CTNNA2: variants seen among roughly 807,000 people sequenced by gnomAD.
CTNNA2 encodes the protein catenin alpha 2.
Under a neutral mutation model 101.0 loss-of-function variants are expected in CTNNA2, and 42 were observed. That is an observed-to-expected ratio of 0.42 (90% confidence interval 0.32 to 0.54). The LOEUF is 0.54. Among genes scored for constraint, CTNNA2 ranks in the 20% least tolerant of loss-of-function variants. The probability of loss-of-function intolerance (pLI) is 0.14; values close to 1 mark genes in which losing one functional copy is unlikely to be tolerated. For missense variants in CTNNA2, 871 were observed against 1,223.1 expected, an observed-to-expected ratio of 0.71 and a Z score of 4.29; for synonymous variants, 450 against 456.4, an observed-to-expected ratio of 0.99 and a Z score of 0.18.
chr2:79,992,421 T>G (rs1692248683), intron 7 of CTNNA2, among the ~76,000 whole-genome samples: 1 of 152,198 alleles, frequency 6.6e-6, no homozygotes, highest in South Asian at 2.1e-4. Context: ...AATGATATAT[T>G]TTGGTTAATA....
intron 3 of CTNNA2, among the ~76,000 whole-genome samples, chr2:79,762,632 C>T (rs1046317961): frequency 4.6e-5 from 7 of 151,972 alleles, no homozygotes; most frequent in Non-Finnish European, 7.4e-5. Context: ...TCAGGCAAGA[C>T]CTGGTCAAAA....
intron 1 of CTNNA2, among the ~76,000 whole-genome samples, chr2:79,551,477 A>T (rs187012720): frequency 1.3e-5 from 2 of 152,314 alleles, no homozygotes; most frequent in African/African-American, 4.8e-5. Flanking sequence ...TCAAATATAC[A>T]TTTGTCTCAG....
At chr2:80,126,948 CTG>C (rs960462777) in intron 7 of CTNNA2, among the ~76,000 whole-genome samples, 32 of 152,150 alleles carry the variant, frequency 2.1e-4, no homozygotes, top group African/African-American at 7.7e-4. Flanking sequence ...GAACTCTGTT[CTG>C]TGTTTCCTTC....
intron 1 of CTNNA2, among the ~76,000 whole-genome samples, chr2:79,638,007 T>C (rs1056929016): frequency 2.6e-5 from 4 of 152,352 alleles, no homozygotes; most frequent in South Asian, 2.1e-4. Flanking sequence ...CCTTCCTCCA[T>C]GACTGTCTGA....
chr2:80,055,100 C>T (rs1053028366), intron 7 of CTNNA2, among the ~76,000 whole-genome samples: 2 of 152,088 alleles, frequency 1.3e-5, no homozygotes, highest in Admixed American at 6.6e-5. Context: ...GATCCTAGTT[C>T]GAACTGCAAC....
intron 7 of CTNNA2, among the ~76,000 whole-genome samples, chr2:80,210,774 C>A (rs189436536): frequency 1.3e-5 from 2 of 152,160 alleles, no homozygotes; most frequent in Non-Finnish European, 2.9e-5. Context: ...AGTTCTAGAT[C>A]GTTGAGGAAT....
At chr2:80,490,290 C>CG (rs1553535583) in intron 9 of CTNNA2, among the ~76,000 whole-genome samples, 2 of 104,056 alleles carry the variant, frequency 1.9e-5, no homozygotes, top group African/African-American at 7.8e-5. Context: ...ACCCCCCCCC[C>CG]GGTAAAGCAC....
chr2:79,655,136 T>C (rs901423278), intron 2 of CTNNA2, among the ~76,000 whole-genome samples: 1 of 152,174 alleles, frequency 6.6e-6, no homozygotes, highest in African/African-American at 2.4e-5. Flanking sequence ...AGGAGATATG[T>C]TGGAGTCAGA....
At chr2:79,583,536 G>A (rs1676278585) in intron 1 of CTNNA2, among the ~76,000 whole-genome samples, 2 of 151,882 alleles carry the variant, frequency 1.3e-5, no homozygotes, top group South Asian at 4.2e-4. Context: ...TAAATGCCTA[G>A]GAGTATTGAC....
intron 9 of CTNNA2, among the ~76,000 whole-genome samples, chr2:80,497,668 T>C (rs1273062341): frequency 6.6e-6 from 1 of 152,218 alleles, no homozygotes; most frequent in Admixed American, 6.5e-5. Context: ...GACTTGTTTA[T>C]GTTACATTAT....
chr2:79,357,545 A>G (rs1459440438), intron 3 of CTNNA2, among the ~76,000 whole-genome samples: 1 of 152,156 alleles, frequency 6.6e-6, no homozygotes. Context: ...AAAGAGAGAG[A>G]ATGGGCGGAA....
rs73940510 is a variant in CTNNA2, at chr2:79,346,326, C to T, written c.-317-27505C>T. ...ATTAGTATTATTTTGCTACAAAGAA[C>T]CCTGTTGCTATTTTGTCCTCATTTT... On this transcript the variant is annotated intron_variant, in intron 3 of 21. Coordinates refer to the CTNNA2 transcript ENST00000466387. Among the ~76,000 whole-genome samples the T allele has an allele frequency of 2.5e-3, 375 of 152,194 alleles. 3 individuals are homozygous for T. The highest frequency in any genetic ancestry group is 8.5e-3 in the African/African-American group (353 of 41,540).
intron 7 of CTNNA2, among the ~76,000 whole-genome samples, chr2:80,357,614 G>A (rs545925669): frequency 3.6e-4 from 55 of 152,148 alleles, no homozygotes; most frequent in Admixed American, 7.2e-4. Context: ...GGAAAAAGGA[G>A]GATCTCGTCA....
At chr2:80,341,575 A>G (rs1486453129) in intron 7 of CTNNA2, among the ~76,000 whole-genome samples, 1 of 152,174 alleles carries the variant, frequency 6.6e-6, no homozygotes, top group Non-Finnish European at 1.5e-5. Flanking sequence ...CTTCACACCC[A>G]CTAGGATGGC....
At chr2:79,403,727 G>A (rs575106800) in intron 4 of CTNNA2, among the ~76,000 whole-genome samples, 2 of 151,954 alleles carry the variant, frequency 1.3e-5, no homozygotes, top group Non-Finnish European at 2.9e-5. Flanking sequence ...TGAGATGCCA[G>A]GTTAGACCCA....
At position 80,545,033 on chromosome 2, in the gene CTNNA2, G is replaced by T. The variant is rs1183190393; in HGVS notation, c.1342G>T (p.Val448Phe). ...ISNNEEGVKL[V>F]RMAATQIDSL... Reference sequence around the variant, plus strand: ...CAACAATGAAGAAGGGGTGAAATTAGTTCGGATGGCAGCCACCCAGATTGA... The same window carrying T: ...CAACAATGAAGAAGGGGTGAAATTATTTCGGATGGCAGCCACCCAGATTGA... Residue 448 changes from valine to phenylalanine, a missense_variant, in exon 10 of 19, where the codon GTT (valine) becomes TTT (phenylalanine). Val to Phe is a conservative substitution (Grantham distance 50, BLOSUM62 -1). Coordinates refer to ENST00000402739, the MANE Select transcript of CTNNA2 (RefSeq NM_001282597.3). The T allele has an allele frequency of 1.2e-6, 2 of 1,614,062 alleles. No individual in the cohort carries two copies. Among genetic ancestry groups the T allele is most frequent in the Non-Finnish European group, 1.7e-6 (2 of 1,179,964 alleles).
intron 1 of CTNNA2, among the ~76,000 whole-genome samples, chr2:79,595,427 T>A (rs905822557): frequency 6.6e-6 from 1 of 152,216 alleles, no homozygotes; most frequent in African/African-American, 2.4e-5. Flanking sequence ...TTCCTAGATG[T>A]GAACACCCAT....
chr2:80,134,057 A>G (rs1702558651), intron 7 of CTNNA2, among the ~76,000 whole-genome samples: 2 of 152,174 alleles, frequency 1.3e-5, no homozygotes, highest in South Asian at 2.1e-4. Flanking sequence ...AATAATTGCC[A>G]TTATTGCTAT....
At chr2:80,275,690 A>G (rs1320876093) in intron 7 of CTNNA2, among the ~76,000 whole-genome samples, 1 of 152,134 alleles carries the variant, frequency 6.6e-6, no homozygotes, top group Admixed American at 6.6e-5. Flanking sequence ...TGTCACTCTT[A>G]AGAATTTTTC....
Sources: allele counts gnomAD v4.1 joint callset (sites outside exome capture counted in the v4.1 genomes callset), GRCh38; gene constraint gnomAD v4.1.1; transcripts MANE v1.5; gene names NCBI Gene and HGNC (gene_info 2026-07-23, HGNC 2026-07-21).